HS3ST6: variants seen among roughly 807,000 people sequenced by gnomAD.
HS3ST6 encodes heparan sulfate glucosamine 3-O-sulfotransferase 6.
In HS3ST6, 13 loss-of-function variants were observed where a neutral mutation model predicts 11.0. The observed-to-expected ratio is 1.18, with a 90% CI of 0.77 to 1.88. The LOEUF is 1.88. Among genes scored for constraint, HS3ST6 ranks in the 40% most tolerant of loss-of-function variants. HS3ST6 has a pLI of 0.00. For missense variants in HS3ST6, 541 were observed against 494.4 expected, an observed-to-expected ratio of 1.09 and a Z score of -0.89; for synonymous variants, 232 against 230.6, an observed-to-expected ratio of 1.01 and a Z score of -0.06.
chr16:1,914,137 C>A (rs1567298476), intron 1 of HS3ST6, among the ~76,000 whole-genome samples: 1 of 152,108 alleles, frequency 6.6e-6, no homozygotes, highest in East Asian at 1.9e-4. Flanking sequence ...GGGCTCAGCC[C>A]TCCCTCTTCC....
chr16:1,914,216 C>T (rs984883386), intron 1 of HS3ST6, among the ~76,000 whole-genome samples: 3 of 152,166 alleles, frequency 2.0e-5, no homozygotes, highest in Admixed American at 1.3e-4. Context: ...CCCTGCACTC[C>T]CCGCCCCACC....
intron 1 of HS3ST6, 112 bp downstream of exon 1, chr16:1,917,799 C>T (rs546325072): frequency 3.4e-6 from 3 of 875,908 alleles, no homozygotes; most frequent in Admixed American, 8.2e-5. Flanking sequence ...CCCCACTGCC[C>T]GGAGCGCACC....
At position 1,911,591 on chromosome 16, in the gene HS3ST6, C is replaced by A. The variant is rs1442865868; in HGVS notation, c.1028G>T (p.Ter343LeuextTer10). 2.5e-6 allele frequency: 4 copies of A among 1,594,956 alleles called. No individual in the cohort carries two copies. In the South Asian group the frequency reaches 4.5e-5, roughly 18 times the overall value. ...QMTGQDFGWG[*>L] ...TGCTGAGCATCCCCAGGGTGCCGCT[C>A]AGCCCCAGCCGAAGTCCTGGCCCGT... The change falls in exon 2 of 2, where the codon TGA (stop) becomes TTA (leucine). Residue 343 changes from the stop codon to leucine, a stop_lost. Coordinates refer to ENST00000454677, the MANE Select transcript of HS3ST6 (RefSeq NM_001009606.4).
At position 1,912,094 on chromosome 16, in the gene HS3ST6, C is replaced by T; in HGVS notation, c.525G>A (p.Lys175=). ...CGGGGTTCCGCACCACCACGATCAG[C>T]TTCGTGTCCGGGGACATGGCGTGGA... The part of the protein sequence containing the change: ...RRIHAMSPDT[K]LIVVVRNPVT... Residue 175 remains lysine, a synonymous_variant, in exon 2 of 2, where the codon AAG becomes AAA. Transcript: ENST00000454677. This position sits in a 1 kb window ranked among gnomAD's most constrained non-coding sequence, Gnocchi z 5.6. 3 of 1,508,268 alleles carry T rather than the reference C, an allele frequency of 2.0e-6. No individual in the cohort carries two copies. Among genetic ancestry groups the T allele is most frequent in the Non-Finnish European group, 2.7e-6 (3 of 1,130,540 alleles). The allele number at this position is 1,508,268 out of a possible 1,614,324, so 93.4% of individuals were successfully genotyped here.
upstream of HS3ST6, among the ~76,000 whole-genome samples, chr16:1,920,098 T>C: frequency 7.3e-6 from 1 of 137,812 alleles, no homozygotes. Context: ...CCCCAGGGTC[T>C]CAGGAGTCCC....
At chr16:1,919,490 T>C (rs1445242684), upstream of HS3ST6, among the ~76,000 whole-genome samples, 2 of 152,300 alleles carry the variant, frequency 1.3e-5, no homozygotes, top group Admixed American at 1.3e-4. Flanking sequence ...CCGGGTCCTC[T>C]CTCCACCTCT....
upstream of HS3ST6, among the ~76,000 whole-genome samples, chr16:1,919,333 G>A (rs1279445196): frequency 3.9e-5 from 6 of 152,216 alleles, no homozygotes; most frequent in Non-Finnish European, 7.4e-5. Flanking sequence ...GGGGCCTCTC[G>A]GGTGGGACCT....
At position 1,918,295 on chromosome 16, in the gene HS3ST6, C is replaced by T; in HGVS notation, c.29G>A (p.Gly10Glu). 7.4e-6 allele frequency: 6 copies of T among 809,740 alleles called. No homozygotes were observed. The highest frequency in any genetic ancestry group is 9.0e-6 in the Non-Finnish European group (6 of 668,504). 50.2% of individuals were successfully genotyped at this position (809,740 alleles called of 1,614,324 possible). The change falls in exon 1 of 2, where the codon GGG becomes GAG. Residue 10 changes from glycine to glutamate, a missense_variant. Transcript: ENST00000454677. The surrounding 1 kb of genome is among the most constrained non-coding windows in gnomAD (Gnocchi z 6.0). MAGSGGLGG[G>E]AGGGQGAGAG... is the part of the protein sequence containing the mutation. ...CCCTGCGCCCTGGCCGCCCCCGGCC[C>T]CGCCGCCCAGGCCGCCGCTACCTGC...
intron 1 of HS3ST6, among the ~76,000 whole-genome samples, chr16:1,915,977 G>A (rs970811154): frequency 7.9e-5 from 12 of 152,192 alleles, no homozygotes; most frequent in African/African-American, 2.7e-4. Flanking sequence ...TCCCCGCGTC[G>A]GCACCCAGAA....
Position 1,911,567 on chromosome 16 carries a change from G to T in HS3ST6, c.*23C>A, listed in dbSNP as rs764417022. 6 of 1,569,212 alleles carry T rather than the reference G, an allele frequency of 3.8e-6. No homozygotes were observed. Among genetic ancestry groups the T allele is most frequent in the Non-Finnish European group, 5.2e-6 (6 of 1,158,124 alleles). On this transcript the variant is annotated 3_prime_UTR_variant, in exon 2 of 2. Coordinates refer to ENST00000454677, the MANE Select transcript of HS3ST6 (RefSeq NM_001009606.4). ...CAGGCGAGCGGGTGTCAATCAAGGT[G>T]CTGAGCATCCCCAGGGTGCCGCTCA...
At chr16:1,920,436 C>T (rs2082958009), upstream of HS3ST6, among the ~76,000 whole-genome samples, 1 of 152,020 alleles carries the variant, frequency 6.6e-6, no homozygotes, top group Non-Finnish European at 1.5e-5. Context: ...TCCCCACGGT[C>T]TCAGCCGTCC....
At chr16:1,918,758 C>A (rs548584187), upstream of HS3ST6, among the ~76,000 whole-genome samples, 20 of 152,276 alleles carry the variant, frequency 1.3e-4, no homozygotes, top group African/African-American at 4.8e-4. The surrounding 1 kb of genome is among the most constrained non-coding windows in gnomAD (Gnocchi z 6.0). Flanking sequence ...CCCTTCCCCC[C>A]CCACCCCACT....
intron 1 of HS3ST6, among the ~76,000 whole-genome samples, chr16:1,916,077 C>A (rs2082923835): frequency 1.4e-5 from 1 of 72,270 alleles, no homozygotes; most frequent in African/African-American, 5.2e-5. Context: ...AGGGTGAGAA[C>A]TTTCAGAGGC....
rs1029738738 is a variant in HS3ST6 at position 1,912,316 on chromosome 16, C to T, written c.414-111G>A. 1.5e-5 allele frequency: 15 copies of T among 1,015,060 alleles called. No homozygotes were observed. The highest frequency in any genetic ancestry group is 1.7e-5 in the African/African-American group (1 of 59,934). 62.9% of individuals were successfully genotyped at this position (1,015,060 alleles called of 1,614,324 possible). On this transcript the variant is annotated intron_variant, in intron 1 of 1. Transcript: ENST00000454677. This position sits in a 1 kb window ranked among gnomAD's most constrained non-coding sequence, Gnocchi z 5.6. ...GCCCGGGAAGCCCAGGCCTCCAGGG[C>T]GAGCAAGTCTTCCTCCCTGCTCGGG... is the stretch of plus-strand genomic sequence containing the variant.
chr16:1,911,927 T>G lies in HS3ST6; in HGVS notation c.692A>C (p.His231Pro). ...GAAGTAGCGCAGCCAGTGGTCCAGG[T>G]GCTGGGCGTACAGGCCGATGCGGAC... ...SAVRIGLYAQ[H>P]LDHWLRYFPL... The change falls in exon 2 of 2, where the codon CAC becomes CCC. Residue 231 changes from histidine (H) to proline (P), a missense_variant. Coordinates refer to ENST00000454677, the MANE Select transcript of HS3ST6 (RefSeq NM_001009606.4). The G allele has an allele frequency of 1.3e-6, 2 of 1,598,944 alleles. No homozygotes were observed. The highest frequency in any genetic ancestry group is 1.7e-6 in the Non-Finnish European group (2 of 1,171,448).
Position 1,912,295 on chromosome 16 carries a change from G to C in HS3ST6, c.414-90C>G, listed in dbSNP as rs997873235. 1.7e-6 allele frequency: 2 copies of C among 1,158,530 alleles called. No individual in the cohort carries two copies. The highest frequency in any genetic ancestry group is 2.2e-6 in the Non-Finnish European group (2 of 907,542). The allele number at this position is 1,158,530 out of a possible 1,614,324, so 71.8% of individuals were successfully genotyped here. On this transcript the variant is annotated intron_variant, in intron 1 of 1. Coordinates refer to ENST00000454677, the MANE Select transcript of HS3ST6 (RefSeq NM_001009606.4). This position sits in a 1 kb window ranked among gnomAD's most constrained non-coding sequence, Gnocchi z 5.6. The stretch of plus-strand genomic sequence containing the variant: ...CCGGGACCAAGGCCCCCTTATGCCC[G>C]GGAAGCCCAGGCCTCCAGGGCGAGC...
At position 1,911,844 on chromosome 16, in the gene HS3ST6, C is replaced by G. The variant is rs1359622143; in HGVS notation, c.775G>C (p.Glu259Gln). ...AGGAAGTCCTGCACGCGGCCGACCT[C>G]TCCGGCCGGGTCGCTGACCAGACGC... ...GERLVSDPAG[E>Q]VGRVQDFLGL... Residue 259 changes from glutamate (E) to glutamine (Q), a missense_variant, in exon 2 of 2, where the codon GAG becomes CAG. Physicochemically the swap from Glu to Gln is conservative, Grantham distance 29. Transcript: ENST00000454677. The G allele has an allele frequency of 6.2e-7, 1 of 1,611,660 alleles. No individual in the cohort carries two copies. Among genetic ancestry groups the G allele is most frequent in the Non-Finnish European group, 8.5e-7 (1 of 1,178,752 alleles).
chr16:1,911,894 G>A lies in HS3ST6; in HGVS notation c.725C>T (p.Ser242Phe). 3 of 1,606,018 alleles carry A rather than the reference G, an allele frequency of 1.9e-6. No individual in the cohort carries two copies. Among genetic ancestry groups the A allele is most frequent in the Non-Finnish European group, 2.6e-6 (3 of 1,175,176 alleles). The change falls in exon 2 of 2, where the codon TCC becomes TTC. Residue 242 changes from serine (S) to phenylalanine (F), a missense_variant. Transcript: ENST00000454677. ...CTCCCCGCTGACGAACAGGAAGTGG[G>A]ACAGGGGGAAGTAGCGCAGCCAGTG... Reference protein sequence around the residue: ...LDHWLRYFPLSHFLFVSGERL... With the variant: ...LDHWLRYFPLFHFLFVSGERL...
At chr16:1,920,173 GCCGTCCCC>G (rs2082954328), upstream of HS3ST6, among the ~76,000 whole-genome samples, 2 of 112,520 alleles carry the variant, frequency 1.8e-5, no homozygotes, top group Non-Finnish European at 3.8e-5. Context: ...CACGGTCTCA[GCCGTCCCC>G]ACGGTCTCAG....
Sources: gnomAD v4.1 joint callset for allele counts (sites outside exome capture counted in the v4.1 genomes callset) on GRCh38, gnomAD v4.1.1 for gene constraint, Gnocchi (gnomAD v3.1) non-coding constraint, MANE v1.5 for transcripts, NCBI Gene and HGNC (gene_info 2026-07-23, HGNC 2026-07-21) for gene names.